Variants in OPN5 observed in about 807,000 individuals in gnomAD.
OPN5 encodes opsin-5.
Under a neutral mutation model 41.7 loss-of-function variants are expected in OPN5, and 18 were observed. The observed-to-expected ratio is 0.43, with a 90% confidence interval of 0.30 to 0.64. OPN5 has a LOEUF of 0.64. OPN5 is among the 30% of genes least tolerant of loss of function. OPN5 has a pLI of 0.13. For synonymous variants in OPN5, 178 were observed against 164.3 expected (o/e 1.08, Z -0.64); for missense variants, 318 against 434.5 (o/e 0.73, Z 2.38).
chr6:47,824,020 T>C (rs1762718404), exon 7 of OPN5: 1 of 1,540,102 alleles, frequency 6.5e-7, no homozygotes, highest in African/African-American at 1.4e-5. Context: ...AGAGTGCATC[T>C]GAAGTGCTTA....
In OPN5 at chr6:47,795,628, A is replaced by G. The variant is rs1451181756; in HGVS notation, c.756+65A>G. 2.6e-6 allele frequency: 3 copies of G among 1,137,874 alleles called. No individual in the cohort carries two copies. In the African/African-American group the frequency reaches 4.6e-5, roughly 18 times the overall value. 70.5% of individuals were successfully genotyped at this position (1,137,874 alleles called of 1,614,324 possible). ...CTTACAACTTCATAGGGTACAAAGG[A>G]TAGGGAACGTTGGAGACTGAGAGAA... On this transcript the variant is annotated intron_variant, in intron 4 of 6. Coordinates refer to ENST00000371211, the Ensembl canonical transcript of OPN5.
chr6:47,817,904 T>A (rs1331329911), intron 6 of OPN5, among the ~76,000 whole-genome samples: 1 of 151,984 alleles, frequency 6.6e-6, no homozygotes, highest in African/African-American at 2.4e-5. Context: ...GTGGGGAGAA[T>A]TCTGAGATGA....
intron 1 of OPN5, among the ~76,000 whole-genome samples, chr6:47,784,415 A>G (rs533897348): frequency 2.6e-5 from 4 of 152,036 alleles, no homozygotes; most frequent in East Asian, 3.9e-4. Context: ...TTGTGCCTCA[A>G]CCTCCTGAGT....
At chr6:47,815,306 GC>G (rs1363833820) in intron 6 of OPN5, among the ~76,000 whole-genome samples, 1 of 152,038 alleles carries the variant, frequency 6.6e-6, no homozygotes, top group African/African-American at 2.4e-5. Flanking sequence ...TCCCACCACT[GC>G]CTTTAATGAC....
intron 2 of OPN5, among the ~76,000 whole-genome samples, chr6:47,791,103 C>A (rs1581730460): frequency 6.6e-6 from 1 of 152,202 alleles, no homozygotes; most frequent in African/African-American, 2.4e-5. Flanking sequence ...TCCATCTCTT[C>A]TTTCCTCTAT....
chr6:47,796,673 G>C (rs1205878942), intron 4 of OPN5, among the ~76,000 whole-genome samples: 1 of 152,148 alleles, frequency 6.6e-6, no homozygotes, highest in Non-Finnish European at 1.5e-5. Flanking sequence ...GAGACCACTA[G>C]TCTCAGGGAC....
chr6:47,823,970 T>C lies in OPN5; in HGVS notation c.1057-13T>C, dbSNP rs1406524103. On this transcript the variant is annotated splice_polypyrimidine_tract_variant and intron_variant, in intron 6 of 6. Transcript: ENST00000371211. ...GTGCCTCACCCTAAAACTCAATTTT[T>C]TCTTCTCTACAGTGGGAATAACAAA... The C allele has an allele frequency of 6.5e-7, 1 of 1,549,832 alleles. No homozygotes were observed. The highest frequency in any genetic ancestry group is 2.0e-5 in the Admixed American group (1 of 50,992).
At chr6:47,799,720 A>AC (rs1384279852) in intron 4 of OPN5, among the ~76,000 whole-genome samples, 1 of 151,796 alleles carries the variant, frequency 6.6e-6, no homozygotes, top group Non-Finnish European at 1.5e-5. Flanking sequence ...TTCCACCCTG[A>AC]CCCCGGGCCT....
At chr6:47,812,453 GTGT>G (rs1393139526) in intron 6 of OPN5, among the ~76,000 whole-genome samples, 2 of 152,146 alleles carry the variant, frequency 1.3e-5, no homozygotes, top group African/African-American at 4.8e-5. Flanking sequence ...CTATTCGTAA[GTGT>G]TGTTTCTTCT....
At chr6:47,807,623 C>G (rs1198151174) in intron 4 of OPN5, among the ~76,000 whole-genome samples, 1 of 152,068 alleles carries the variant, frequency 6.6e-6, no homozygotes, top group Non-Finnish European at 1.5e-5. Flanking sequence ...CATTATGTAC[C>G]TAGTGAATTT....
At chr6:47,816,243 C>T (rs1385912958) in intron 6 of OPN5, among the ~76,000 whole-genome samples, 1 of 152,106 alleles carries the variant, frequency 6.6e-6, no homozygotes, top group Non-Finnish European at 1.5e-5. Context: ...GATTTGAGGG[C>T]TTTGGCAAAG....
chr6:47,796,482 A>G (rs1353808150), intron 4 of OPN5, among the ~76,000 whole-genome samples: 1 of 152,220 alleles, frequency 6.6e-6, no homozygotes, highest in Non-Finnish European at 1.5e-5. Context: ...TAAATGACAT[A>G]CAGGTAATAC....
chr6:47,805,235 C>T (rs765525660), intron 4 of OPN5, among the ~76,000 whole-genome samples: 5 of 152,142 alleles, frequency 3.3e-5, no homozygotes, highest in Non-Finnish European at 5.9e-5. Context: ...GATAGGAAAG[C>T]AAGTCCAACA....
At chr6:47,795,183 G>A (rs1773502272) in intron 3 of OPN5, 46 bp from the exon 4 acceptor site, 2 of 1,397,300 alleles carry the variant, frequency 1.4e-6, no homozygotes, top group African/African-American at 2.9e-5. Flanking sequence ...AGGTATCTGG[G>A]TGTAGGGCAG....
At chr6:47,793,684 G>T (rs911501335) in intron 3 of OPN5, 1 of 218,366 alleles carries the variant, frequency 4.6e-6, no homozygotes, top group Non-Finnish European at 7.8e-6. Context: ...TCCACCCATT[G>T]GTCCTAGTTC....
At position 47,795,199 on chromosome 6, in the gene OPN5, A is replaced by T. The variant is rs757738680; in HGVS notation, c.422-30A>T. The T allele has an allele frequency of 4.3e-5, 66 of 1,518,968 alleles. 1 individual carries two copies. Among genetic ancestry groups the T allele is most frequent in the Non-Finnish European group, 5.4e-5 (61 of 1,123,844 alleles). The allele number at this position is 1,518,968 out of a possible 1,614,324, so 94.1% of individuals were successfully genotyped here. ...GGTATCTGGGTGTAGGGCAGATTAC[A>T]TCCGGGTAATGCTTTTCTTCCGCCT... is the stretch of plus-strand genomic sequence containing the variant. On this transcript the variant is annotated intron_variant, in intron 3 of 6. Coordinates refer to ENST00000371211, the Ensembl canonical transcript of OPN5.
chr6:47,825,349 G>A (rs917948894), downstream of OPN5: 1 of 152,160 alleles, frequency 6.6e-6, no homozygotes, highest in Non-Finnish European at 1.5e-5. Context: ...GAGAAGTTAG[G>A]GAGAATTTTT....
intron 6 of OPN5, among the ~76,000 whole-genome samples, chr6:47,816,221 T>C (rs1294834447): frequency 1.3e-5 from 2 of 152,198 alleles, no homozygotes; most frequent in Admixed American, 1.3e-4. Flanking sequence ...GATGTGTTTT[T>C]AGTTCCTTAG....
intron 3 of OPN5, among the ~76,000 whole-genome samples, chr6:47,793,435 C>T (rs1339156516): frequency 2.0e-5 from 3 of 152,164 alleles, no homozygotes; most frequent in Admixed American, 6.5e-5. Context: ...CTCCACACAG[C>T]GTCCCAGAAT....
Sources: allele counts gnomAD v4.1 joint callset (sites outside exome capture counted in the v4.1 genomes callset), GRCh38; gene constraint gnomAD v4.1.1; transcripts MANE v1.5; gene names NCBI Gene and HGNC (gene_info 2026-07-23, HGNC 2026-07-21).